Variants in GRIA4 observed in about 807,000 individuals in gnomAD.
The protein encoded by GRIA4 is glutamate receptor 4.
A neutral mutation model predicts 104.0 loss-of-function variants in GRIA4; 34 were observed. The ratio of observed to expected loss-of-function variants is 0.33; its 90% confidence interval spans 0.25 to 0.44. The LOEUF is 0.44. GRIA4 is among the 20% of genes least tolerant of loss of function. The pLI, the probability that GRIA4 is intolerant of heterozygous loss-of-function variation, is 1.00. For synonymous variants in GRIA4, 386 were observed against 381.9 expected (o/e 1.01, Z -0.13); for missense variants, 750 against 1,096.5 (o/e 0.68, Z 4.46).
chr11:105,759,828 G>A (rs796982394), intron 4 of GRIA4, among the ~76,000 whole-genome samples: 8 of 152,130 alleles, frequency 5.3e-5, no homozygotes, highest in African/African-American at 1.9e-4. Context: ...CATTCCCATA[G>A]CATCTATATT....
intron 3 of GRIA4, among the ~76,000 whole-genome samples, chr11:105,746,274 G>A (rs1036066007): frequency 8.6e-5 from 13 of 151,940 alleles, no homozygotes; most frequent in African/African-American, 3.1e-4. Flanking sequence ...ATATTATTGT[G>A]GTTTTTTAGT....
At chr11:105,760,805 G>A (rs987064804) in intron 4 of GRIA4, among the ~76,000 whole-genome samples, 4 of 151,728 alleles carry the variant, frequency 2.6e-5, no homozygotes, top group African/African-American at 9.7e-5. Flanking sequence ...ATGGATTCTG[G>A]CCAGAAAACA....
intron 13 of GRIA4, among the ~76,000 whole-genome samples, chr11:105,928,694 C>A (rs1174773607): frequency 6.6e-6 from 1 of 151,976 alleles, no homozygotes; most frequent in Non-Finnish European, 1.5e-5. Context: ...TATTTGCAGG[C>A]TCATCATTCT....
At chr11:105,712,104 A>C (rs1401234806) in intron 3 of GRIA4, among the ~76,000 whole-genome samples, 1 of 152,116 alleles carries the variant, frequency 6.6e-6, no homozygotes, top group Non-Finnish European at 1.5e-5. Flanking sequence ...ATTAATCATT[A>C]TATAGATATA....
chr11:105,927,921 G>C (rs1447567357), intron 13 of GRIA4, among the ~76,000 whole-genome samples: 1 of 151,912 alleles, frequency 6.6e-6, no homozygotes, highest in Non-Finnish European at 1.5e-5. Context: ...ATAGAAGACA[G>C]AACATATATT....
chr11:105,821,013 G>A (rs991895011), intron 4 of GRIA4, among the ~76,000 whole-genome samples: 2 of 152,012 alleles, frequency 1.3e-5, no homozygotes, highest in Non-Finnish European at 2.9e-5. Flanking sequence ...GTTTAAATTG[G>A]TTCTCTATTT....
At chr11:105,650,313 AAG>A (rs1268597911) in intron 3 of GRIA4, among the ~76,000 whole-genome samples, 1 of 152,132 alleles carries the variant, frequency 6.6e-6, no homozygotes, top group Non-Finnish European at 1.5e-5. Flanking sequence ...ATTTTCCCAG[AAG>A]AGAGTGACTA....
intron 4 of GRIA4, among the ~76,000 whole-genome samples, chr11:105,856,817 G>T (rs2136004159): frequency 6.6e-6 from 1 of 152,160 alleles, no homozygotes; most frequent in Middle Eastern, 3.4e-3. Context: ...AAATGCCTTA[G>T]GAAAAATCTA....
intron 14 of GRIA4, among the ~76,000 whole-genome samples, chr11:105,939,375 A>G (rs1285463050): frequency 2.6e-5 from 4 of 152,126 alleles, no homozygotes; most frequent in African/African-American, 9.7e-5. Flanking sequence ...AGTTTCTCCC[A>G]CTTCAAAGGG....
chr11:105,880,059 A>T (rs1035541210), intron 5 of GRIA4, among the ~76,000 whole-genome samples: 3 of 152,206 alleles, frequency 2.0e-5, no homozygotes, highest in African/African-American at 7.2e-5. Flanking sequence ...TCTACATCTT[A>T]TTAGAACTAT....
intron 6 of GRIA4, among the ~76,000 whole-genome samples, chr11:105,897,286 G>C (rs1381241300): frequency 6.6e-6 from 1 of 152,046 alleles, no homozygotes; most frequent in Non-Finnish European, 1.5e-5. Flanking sequence ...TACTGCAATT[G>C]TTTATCAGAC....
chr11:105,743,552 T>C (rs1939456766), intron 3 of GRIA4, among the ~76,000 whole-genome samples: 1 of 152,220 alleles, frequency 6.6e-6, no homozygotes, highest in Non-Finnish European at 1.5e-5. Context: ...TAGAATCTCA[T>C]GTTGACTTTC....
chr11:105,766,208 T>C (rs1184969332), intron 4 of GRIA4, among the ~76,000 whole-genome samples: 1 of 152,196 alleles, frequency 6.6e-6, no homozygotes, highest in Non-Finnish European at 1.5e-5. Flanking sequence ...TAAAGAATGG[T>C]ATTTCCCATT....
At chr11:105,908,457 C>G (rs1373959956) in intron 9 of GRIA4, among the ~76,000 whole-genome samples, 3 of 152,172 alleles carry the variant, frequency 2.0e-5, no homozygotes, top group Middle Eastern at 3.4e-3. Context: ...TGGGTCCAAA[C>G]TTTAGGATTC....
chr11:105,763,753 T>A (rs958766477), intron 4 of GRIA4, among the ~76,000 whole-genome samples: 1 of 152,180 alleles, frequency 6.6e-6, no homozygotes, highest in Non-Finnish European at 1.5e-5. Flanking sequence ...ATTTGGAAGG[T>A]AGATGAAAGA....
At chr11:105,689,186 G>C (rs1255314159) in intron 3 of GRIA4, among the ~76,000 whole-genome samples, 2 of 152,086 alleles carry the variant, frequency 1.3e-5, no homozygotes, top group East Asian at 3.9e-4. Context: ...TTATTTGAAG[G>C]CATCACCAAG....
At chr11:105,751,404 G>A (rs1000467862) in intron 3 of GRIA4, among the ~76,000 whole-genome samples, 19 of 152,236 alleles carry the variant, frequency 1.2e-4, no homozygotes, top group African/African-American at 4.6e-4. Flanking sequence ...GATCACTTAA[G>A]TTATAAGAAT....
intron 3 of GRIA4, among the ~76,000 whole-genome samples, chr11:105,721,950 G>A (rs1937852731): frequency 6.6e-6 from 1 of 152,136 alleles, no homozygotes; most frequent in African/African-American, 2.4e-5. Flanking sequence ...GTCAATTGCA[G>A]TAAATCTAAC....
At chr11:105,905,042 G>T (rs535532) in intron 8 of GRIA4, among the ~76,000 whole-genome samples, 155 bp from the exon 9 acceptor site, 26,538 of 152,138 alleles carry the variant, frequency 0.17, 2,456 homozygotes, top group Admixed American at 0.24. Flanking sequence ...TATTTCAGAT[G>T]CTATCCCAAT....
Sources: gnomAD v4.1 joint callset for allele counts (sites outside exome capture counted in the v4.1 genomes callset) on GRCh38, gnomAD v4.1.1 for gene constraint, MANE v1.5 for transcripts, NCBI Gene and HGNC (gene_info 2026-07-23, HGNC 2026-07-21) for gene names.